RTTN: variants seen among roughly 807,000 people sequenced by gnomAD.
The protein encoded by RTTN is rotatin.
Under a neutral mutation model 269.2 loss-of-function variants are expected in RTTN, and 182 were observed. That is an observed-to-expected ratio of 0.68 (90% confidence interval 0.60 to 0.76). The LOEUF is 0.76. RTTN is among the 30% of genes least tolerant of loss of function. The probability of loss-of-function intolerance (pLI) is 0.00; values close to 1 mark genes in which losing one functional copy is unlikely to be tolerated. For synonymous variants in RTTN, 1,006 were observed against 963.5 expected, an observed-to-expected ratio of 1.04 and a Z score of -0.82; for missense variants, 2,545 against 2,608.6, an observed-to-expected ratio of 0.98 and a Z score of 0.53.
chr18:70,088,030 T>C lies in RTTN; in HGVS notation c.4261A>G (p.Ile1421Val), dbSNP rs757829033. ...SGGLWGTVVN[I>V]LLDQSECSMV... is the part of the protein sequence containing the mutation. ...CTACATTCTGACTGGTCCAGAAGAA[T>C]GTTCACCACAGTTCCCCAGAGCCCA... Residue 1421 changes from isoleucine (I) to valine (V), a missense_variant, in exon 31 of 49, where the codon ATT becomes GTT. By Grantham distance (29) the Ile-to-Val change is conservative. Transcript: ENST00000640769. 1 of 1,613,860 alleles carries C rather than the reference T, an allele frequency of 6.2e-7. No individual in the cohort carries two copies. The highest frequency in any genetic ancestry group is 1.7e-5 in the Admixed American group (1 of 59,930).
intron 6 of RTTN, 85 bp from the exon 7 acceptor site, chr18:70,196,733 C>A: frequency 2.3e-6 from 3 of 1,286,978 alleles, no homozygotes; most frequent in Non-Finnish European, 2.2e-6. Context: ...GTAAGTAAGC[C>A]TAAGTGAATA....
intron 3 of RTTN, 142 bp from the exon 4 acceptor site, chr18:70,202,125 G>A (rs535017156): frequency 1.8e-6 from 1 of 554,820 alleles, no homozygotes; most frequent in Non-Finnish European, 3.1e-6. Flanking sequence ...TTTTCTGAAT[G>A]ATCTATCTTG....
intron 14 of RTTN, among the ~76,000 whole-genome samples, chr18:70,163,599 C>T (rs1007140643): frequency 6.6e-5 from 10 of 152,084 alleles, no homozygotes; most frequent in African/African-American, 1.2e-4. Context: ...TGCCTATCAA[C>T]GGATGAATAA....
chr18:70,190,608 T>G lies in RTTN; in HGVS notation c.1119A>C (p.Gln373His), dbSNP rs1003352207. Residue 373 changes from glutamine (Q) to histidine (H), a missense_variant, in exon 9 of 49, where the codon CAA (glutamine) becomes CAC (histidine). Gln to His is a conservative substitution (Grantham distance 24). Coordinates refer to ENST00000640769, the MANE Select transcript of RTTN (RefSeq NM_173630.4). The stretch of plus-strand genomic sequence containing the variant: ...ACTGGGGAAGACTGAGCTGCTGGAA[T>G]TGTAGTTCCAATGTGTCTTCAGTTT... Reference protein sequence around the residue: ...ELETEDTLELQFQQLSLPQFC... With the variant: ...ELETEDTLELHFQQLSLPQFC... 4 of 1,613,682 alleles carry G rather than the reference T, an allele frequency of 2.5e-6. No homozygotes were observed. The Admixed American group carries it at 5.0e-5, about 20-fold the overall frequency.
At chr18:70,184,712 T>G (rs1262308361) in intron 10 of RTTN, among the ~76,000 whole-genome samples, 7,519 of 54,946 alleles carry the variant, frequency 0.14, 705 homozygotes, top group African/African-American at 0.3. Flanking sequence ...GGTTTTTTTT[T>G]TTTTTGTGTG....
chr18:70,126,679 A>G (rs1049957684), intron 25 of RTTN, among the ~76,000 whole-genome samples: 4 of 152,166 alleles, frequency 2.6e-5, no homozygotes, highest in African/African-American at 9.6e-5. Context: ...GTAAGTTTAT[A>G]TAATTAAGAA....
At chr18:70,006,616 C>T (rs2056197055) in intron 46 of RTTN, 132 bp from the exon 47 acceptor site, 2 of 673,690 alleles carry the variant, frequency 3.0e-6, no homozygotes, top group East Asian at 5.5e-5. Flanking sequence ...TAGACTATGG[C>T]AAAACCAATC....
intron 2 of RTTN, among the ~76,000 whole-genome samples, chr18:70,204,783 T>A (rs1341480904): frequency 6.6e-6 from 1 of 152,236 alleles, no homozygotes; most frequent in African/African-American, 2.4e-5. Context: ...AACATTATTT[T>A]TAAAGTGCTC....
intron 20 of RTTN, 129 bp downstream of exon 20, chr18:70,139,970 AT>A (rs879234887): frequency 1.0e-5 from 7 of 697,090 alleles, no homozygotes; most frequent in African/African-American, 7.3e-5. Flanking sequence ...AAAAAAAAAA[AT>A]GAATGAGATA....
In RTTN at chr18:70,168,932, T is replaced by A. The variant is rs1315610189; in HGVS notation, c.1612A>T (p.Ser538Cys). ...YLEQLNSENY[S>C]IYKRTAEAVY... ...GCCTCTGCAGTTCGTTTATAAATAC[T>A]GTAGTTTTCAGAATTCAGCTGTTCC... is the stretch of plus-strand genomic sequence containing the variant. The change falls in exon 12 of 49, where the codon AGT (serine) becomes TGT (cysteine). Residue 538 changes from serine (S) to cysteine (C), a missense_variant. Transcript: ENST00000640769. The A allele has an allele frequency of 6.2e-7, 1 of 1,613,510 alleles. No individual in the cohort carries two copies. The highest frequency in any genetic ancestry group is 1.7e-5 in the Admixed American group (1 of 60,024).
intron 46 of RTTN, among the ~76,000 whole-genome samples, chr18:70,012,230 TA>T (rs2056401680): frequency 1.3e-5 from 2 of 148,272 alleles, no homozygotes; most frequent in Non-Finnish European, 1.5e-5. Context: ...TCACTGGTAT[TA>T]GTTACAGCAC....
chr18:70,041,446 A>G (rs1198186849), intron 40 of RTTN, among the ~76,000 whole-genome samples: 1 of 152,014 alleles, frequency 6.6e-6, no homozygotes, highest in Non-Finnish European at 1.5e-5. Flanking sequence ...CAAGTGTATT[A>G]GGCTTGGGAA....
At chr18:70,183,354 G>A (rs2061461638) in intron 10 of RTTN, among the ~76,000 whole-genome samples, 1 of 152,120 alleles carries the variant, frequency 6.6e-6, no homozygotes, top group Non-Finnish European at 1.5e-5. Context: ...CTGAGATTAG[G>A]TGGCTTAGAT....
intron 37 of RTTN, among the ~76,000 whole-genome samples, chr18:70,056,700 T>C (rs1180917372): frequency 6.6e-6 from 1 of 152,080 alleles, no homozygotes; most frequent in Admixed American, 6.5e-5. Context: ...ACCTCAGGGG[T>C]CTTGCAATGA....
intron 48 of RTTN, 85 bp from the exon 49 acceptor site, chr18:70,004,321 T>C (rs2056113736): frequency 1.3e-6 from 1 of 797,308 alleles, no homozygotes; most frequent in Non-Finnish European, 2.1e-6. Flanking sequence ...AACAAATACA[T>C]ATGAACAGGA....
intron 28 of RTTN, among the ~76,000 whole-genome samples, chr18:70,106,639 GA>G (rs1164798063): frequency 6.6e-6 from 1 of 151,528 alleles, no homozygotes; most frequent in Non-Finnish European, 1.5e-5. Flanking sequence ...AGAGATGTGG[GA>G]AAAAACTACA....
chr18:70,110,437 C>T (rs1229777050), intron 27 of RTTN, among the ~76,000 whole-genome samples: 1 of 152,074 alleles, frequency 6.6e-6, no homozygotes, highest in Non-Finnish European at 1.5e-5. Context: ...GGTGGAGCAT[C>T]GCCTCACCTG....
At chr18:70,196,379 G>A (rs1378865311) in intron 7 of RTTN, 122 bp downstream of exon 7, 1 of 725,950 alleles carries the variant, frequency 1.4e-6, no homozygotes, top group African/African-American at 1.8e-5. Context: ...ATACATTTAG[G>A]AGTGGGGAGT....
chr18:70,031,122 T>C (rs1024133033), intron 40 of RTTN, 141 bp from the exon 41 acceptor site: 91 of 601,448 alleles, frequency 1.5e-4, no homozygotes, highest in Non-Finnish European at 1.3e-4. Context: ...TGATAAATCA[T>C]TAATATTTGA....
Sources: allele counts gnomAD v4.1 joint callset (sites outside exome capture counted in the v4.1 genomes callset), GRCh38; gene constraint gnomAD v4.1.1; transcripts MANE v1.5; gene names NCBI Gene and HGNC (gene_info 2026-07-23, HGNC 2026-07-21).